The following LRRC4C variants were observed in gnomAD, a reference collection of about 807,000 sequenced individuals.
LRRC4C encodes leucine rich repeat containing 4C.
LRRC4C carries 5 observed loss-of-function variants against 33.6 expected under a neutral mutation model. The ratio of observed to expected loss-of-function variants is 0.15; its 90% confidence interval spans 0.08 to 0.31. The LOEUF (loss-of-function observed/expected upper bound fraction) is 0.31, where lower values mean the gene tolerates loss of function less well. LRRC4C is among the 10% of genes least tolerant of loss of function. LRRC4C has a pLI of 1.00. For synonymous variants in LRRC4C, 329 were observed against 302.0 expected, an observed-to-expected ratio of 1.09 and a Z score of -0.93; for missense variants, 560 against 796.7, an observed-to-expected ratio of 0.70 and a Z score of 3.58.
At chr11:41,214,671 AC>A (rs1186986434) in intron 1 of LRRC4C, among the ~76,000 whole-genome samples, 3 of 148,310 alleles carry the variant, frequency 2.0e-5, no homozygotes. Context: ...AATGGCTTAA[AC>A]CCAGGAGGAG....
intron 1 of LRRC4C, among the ~76,000 whole-genome samples, chr11:41,057,245 C>T (rs143545782): frequency 1.3e-4 from 20 of 152,330 alleles, no homozygotes; most frequent in African/African-American, 4.3e-4. Context: ...TGGGTACTCT[C>T]ACAGCCCAGC....
chr11:40,980,933 TC>T (rs1852474306), intron 1 of LRRC4C, among the ~76,000 whole-genome samples: 1 of 152,214 alleles, frequency 6.6e-6, no homozygotes, highest in African/African-American at 2.4e-5. Flanking sequence ...CATATCAGGC[TC>T]TACAAATCTA....
chr11:41,022,219 G>A (rs1347714707), intron 1 of LRRC4C, among the ~76,000 whole-genome samples: 2 of 149,872 alleles, frequency 1.3e-5, no homozygotes, highest in South Asian at 2.1e-4. Flanking sequence ...ACATATAAGT[G>A]TATATATATG....
chr11:40,344,518 C>A (rs1475668250), intron 3 of LRRC4C, among the ~76,000 whole-genome samples: 1 of 152,004 alleles, frequency 6.6e-6, no homozygotes, highest in Non-Finnish European at 1.5e-5. Flanking sequence ...ATAATAAGAG[C>A]CCTCTATGAT....
intron 1 of LRRC4C, among the ~76,000 whole-genome samples, chr11:41,038,624 T>C (rs1016457388): frequency 6.6e-6 from 1 of 152,174 alleles, no homozygotes; most frequent in Non-Finnish European, 1.5e-5. Context: ...AAGGAAACCG[T>C]TGGCAATTCT....
rs530652204 is a variant in LRRC4C, at chr11:40,216,894, C to A, written c.-96+24625G>T. Among the ~76,000 whole-genome samples, 46 of 152,222 alleles carry A rather than the reference C, an allele frequency of 3.0e-4. 1 individual carries two copies. The East Asian group carries it at 8.7e-3, about 29-fold the overall frequency. On this transcript the variant is annotated intron_variant, in intron 5 of 6. Coordinates refer to ENST00000528697, the MANE Select transcript of LRRC4C (RefSeq NM_001258419.2). ...TCTTTTTGAAAACACTGATTACAGGCAGAGAGCAGCAATCACAGAGCATCT... is the reference window on the plus strand; with the variant it reads ...TCTTTTTGAAAACACTGATTACAGGAAGAGAGCAGCAATCACAGAGCATCT...
intron 4 of LRRC4C, among the ~76,000 whole-genome samples, chr11:40,284,043 T>A (rs1028196226): frequency 2.2e-4 from 33 of 152,180 alleles, no homozygotes; most frequent in African/African-American, 7.7e-4. Flanking sequence ...ATTTACTGGG[T>A]TTTTGCCAAA....
chr11:40,708,069 A>G (rs1946262455), intron 2 of LRRC4C, among the ~76,000 whole-genome samples: 1 of 152,120 alleles, frequency 6.6e-6, no homozygotes, highest in South Asian at 2.1e-4. Context: ...CCCCTTTATC[A>G]TTTTTTATTG....
chr11:40,227,235 A>G (rs1004599432), intron 5 of LRRC4C, among the ~76,000 whole-genome samples: 1 of 152,206 alleles, frequency 6.6e-6, no homozygotes, highest in Non-Finnish European at 1.5e-5. Context: ...AAAATTGATT[A>G]AATCAAATAC....
intron 2 of LRRC4C, among the ~76,000 whole-genome samples, chr11:40,680,160 G>C (rs1056011918): frequency 6.6e-6 from 1 of 152,168 alleles, no homozygotes; most frequent in African/African-American, 2.4e-5. Flanking sequence ...GGGGCCTTTA[G>C]CCTTTAAGCT....
At chr11:40,582,411 A>G (rs17409767) in intron 3 of LRRC4C, among the ~76,000 whole-genome samples, 38,469 of 151,986 alleles carry the variant, frequency 0.25, 5,113 homozygotes, top group Middle Eastern at 0.36. Flanking sequence ...GGCTGCTACA[A>G]TCACAGACAG....
At chr11:41,133,574 T>C (rs1027898485) in intron 1 of LRRC4C, among the ~76,000 whole-genome samples, 2 of 137,982 alleles carry the variant, frequency 1.4e-5, no homozygotes, top group Admixed American at 8.0e-5. Context: ...ATAATGGGAA[T>C]GGAGGTCGGA....
At chr11:40,237,987 C>G (rs1024110100) in intron 5 of LRRC4C, among the ~76,000 whole-genome samples, 2 of 152,184 alleles carry the variant, frequency 1.3e-5, no homozygotes, top group Non-Finnish European at 2.9e-5. Context: ...ACACTGTGCA[C>G]TTCCTGGATT....
chr11:40,958,428 A>C (rs79233366), intron 1 of LRRC4C, among the ~76,000 whole-genome samples: 67 of 151,912 alleles, frequency 4.4e-4, no homozygotes, highest in African/African-American at 1.6e-3. Context: ...AATAATCATA[A>C]AGACATACAT....
chr11:40,600,367 G>A (rs1273406308), intron 3 of LRRC4C, among the ~76,000 whole-genome samples: 1 of 152,104 alleles, frequency 6.6e-6, no homozygotes. Flanking sequence ...ACTGTCCAAA[G>A]TAACAAATGA....
intron 1 of LRRC4C, among the ~76,000 whole-genome samples, chr11:41,057,052 G>C (rs186823895): frequency 2.6e-5 from 4 of 152,300 alleles, no homozygotes; most frequent in Admixed American, 6.5e-5. Flanking sequence ...CCACCCTCCA[G>C]GGCAAAGCTG....
chr11:41,137,859 A>T (rs1943332357), intron 1 of LRRC4C, among the ~76,000 whole-genome samples: 1 of 152,200 alleles, frequency 6.6e-6, no homozygotes, highest in African/African-American at 2.4e-5. Flanking sequence ...AGCAGAAATT[A>T]TGGCAAAAAT....
chr11:40,616,408 G>A (rs1333758462), intron 3 of LRRC4C, among the ~76,000 whole-genome samples: 1 of 151,932 alleles, frequency 6.6e-6, no homozygotes, highest in Non-Finnish European at 1.5e-5. Flanking sequence ...GCCTATTACT[G>A]GTTATATACC....
chr11:40,997,000 G>A (rs538896321), intron 1 of LRRC4C, among the ~76,000 whole-genome samples: 1 of 152,056 alleles, frequency 6.6e-6, no homozygotes, highest in Non-Finnish European at 1.5e-5. Context: ...CCCAAGTGGG[G>A]TATAAAGTTC....
Sources: allele counts gnomAD v4.1 joint callset (sites outside exome capture counted in the v4.1 genomes callset), GRCh38; gene constraint gnomAD v4.1.1; transcripts MANE v1.5; gene names NCBI Gene and HGNC (gene_info 2026-07-23, HGNC 2026-07-21).